ZNF850: variants seen among roughly 807,000 people sequenced by gnomAD.
ZNF850 encodes the protein putative zinc finger protein ENSP00000330994.
In ZNF850, 2 loss-of-function variants were observed where a neutral mutation model predicts 11.9. The ratio of observed to expected loss-of-function variants is 0.17; its 90% CI spans 0.07 to 0.53. The LOEUF (loss-of-function observed/expected upper bound fraction) is 0.53, where lower values mean the gene tolerates loss of function less well. Among genes scored for constraint, ZNF850 ranks in the 20% least tolerant of loss-of-function variants. ZNF850 has a pLI of 0.94. For synonymous variants in ZNF850, 381 were observed against 443.0 expected (o/e 0.86, Z 1.76); for missense variants, 1,014 against 1,316.4 (o/e 0.77, Z 3.55).
chr19:36,751,267 C>A (rs1473354875), intron 4 of ZNF850, among the ~76,000 whole-genome samples: 1 of 145,370 alleles, frequency 6.9e-6, no homozygotes, highest in Non-Finnish European at 1.6e-5. Flanking sequence ...GGCCAGTACT[C>A]TCCAAAACTA....
intron 4 of ZNF850, among the ~76,000 whole-genome samples, chr19:36,759,957 T>A (rs560397450): frequency 4.3e-4 from 65 of 152,336 alleles, no homozygotes; most frequent in Middle Eastern, 6.8e-3. Flanking sequence ...TCACTCCTTT[T>A]CCTTGACACT....
chr19:36,748,376 C>A lies in ZNF850; in HGVS notation c.2664G>T (p.Arg888=), dbSNP rs11672680. The change falls in exon 5 of 5, where the codon CGG becomes CGT. Residue 888 remains arginine (R), a synonymous_variant. Transcript: ENST00000591344. The part of the protein sequence containing the change: ...FAFRSAIIQH[R]RIHTGEKPYD... ...AGGGTTTCTCACCAGTGTGAATTCG[C>A]CGATGTTGGATTATTGCTGAGCGAA... The A allele has an allele frequency of 0.25, 401,126 of 1,585,874 alleles. 52,065 individuals carry two copies. The highest frequency in any genetic ancestry group is 0.34 in the South Asian group (29,931 of 88,096).
At chr19:36,769,276 A>AGAAAG (rs1555812484) in intron 1 of ZNF850, among the ~76,000 whole-genome samples, 1 of 113,182 alleles carries the variant, frequency 8.8e-6, no homozygotes. Context: ...AAAAAAAAAA[A>AGAAAG]AAAGAAAGAA....
chr19:36,764,662 A>C (rs1026069875), intron 1 of ZNF850, among the ~76,000 whole-genome samples: 4 of 150,548 alleles, frequency 2.7e-5, no homozygotes, highest in African/African-American at 9.8e-5. Context: ...ATTTTTGTGC[A>C]TGTGTGTTGT....
At position 36,761,643 on chromosome 19, in the gene ZNF850, C is replaced by T. The variant is rs770102680; in HGVS notation, c.235G>A (p.Asp79Asn). 3.3e-6 allele frequency: 5 copies of T among 1,537,818 alleles called. No individual in the cohort carries two copies. The highest frequency in any genetic ancestry group is 4.4e-6 in the Non-Finnish European group (5 of 1,144,564). ...SRDVLGGWCR[D>N]SEFRCKTKDS... ...CCCCATGTGCTCAGTCCTTACTCAC[C>T]TCGGCACCATCCTCCCAGCACGTCC... Residue 79 changes from aspartate to asparagine, a missense_variant and splice_region_variant, in exon 4 of 5, where the codon GAC (aspartate) becomes AAC (asparagine). Transcript: ENST00000591344.
chr19:36,759,276 C>T (rs2040504727), intron 4 of ZNF850, among the ~76,000 whole-genome samples: 1 of 152,072 alleles, frequency 6.6e-6, no homozygotes, highest in South Asian at 2.1e-4. Flanking sequence ...GAGTTCCAGA[C>T]CAGCCCGTGG....
In ZNF850 at chr19:36,745,032, T is replaced by G. The variant is rs985246268; in HGVS notation, c.*2735A>C. On this transcript the variant is annotated 3_prime_UTR_variant, in exon 5 of 5. Coordinates refer to ENST00000591344, the MANE Select transcript of ZNF850 (RefSeq NM_001193552.2). Reference sequence around the variant, plus strand: ...TACTAGGGAGGCTGAGGCAGGAGAATGGCGTGAACCTGGGAGGTGGAGCTT... The same window carrying G: ...TACTAGGGAGGCTGAGGCAGGAGAAGGGCGTGAACCTGGGAGGTGGAGCTT... The G allele has an allele frequency of 1.3e-5, 2 of 152,062 alleles. No individual in the cohort carries two copies. The highest frequency in any genetic ancestry group is 4.8e-5 in the African/African-American group (2 of 41,368). The allele number at this position is 152,062 out of a possible 1,614,324, so 9.4% of individuals were successfully genotyped here. A position where few individuals can be genotyped will look rare whatever the true frequency, so the allele number is the denominator to read the frequency against.
chr19:36,751,606 G>T (rs2040454509), intron 4 of ZNF850, among the ~76,000 whole-genome samples: 1 of 144,710 alleles, frequency 6.9e-6, no homozygotes, highest in Admixed American at 7.2e-5. Context: ...GCTGAGACAG[G>T]AGAATCACTT....
rs531554043 is a variant in ZNF850 at position 36,750,227 on chromosome 19, A to G, written c.813T>C (p.His271=). The G allele has an allele frequency of 1.3e-6, 2 of 1,538,514 alleles. No individual in the cohort carries two copies. Among genetic ancestry groups the G allele is most frequent in the Admixed American group, 3.9e-5 (2 of 50,980 alleles). Residue 271 remains histidine (H), a synonymous_variant, in exon 5 of 5, where the codon CAT becomes CAC. Transcript: ENST00000591344. ...AFRPSAHLIQ[H]WRIHTGDKPY... ...GTTTGTCACCAGTATGAATTCTCCA[A>G]TGTTGAATAAGATGTGCAGACGGTC... is the stretch of plus-strand genomic sequence containing the variant.
chr19:36,766,649 G>A (rs2040551047), intron 1 of ZNF850, among the ~76,000 whole-genome samples: 1 of 152,066 alleles, frequency 6.6e-6, no homozygotes, highest in Non-Finnish European at 1.5e-5. Context: ...TAAGGAAGGG[G>A]GCTGTATAGA....
chr19:36,754,351 C>G (rs1429870918), intron 4 of ZNF850, among the ~76,000 whole-genome samples: 2 of 151,824 alleles, frequency 1.3e-5, no homozygotes, highest in Non-Finnish European at 2.9e-5. Context: ...AAGCTAGGGT[C>G]TTAGCACTGG....
At chr19:36,754,149 C>G (rs1209713835) in intron 4 of ZNF850, among the ~76,000 whole-genome samples, 1 of 124,472 alleles carries the variant, frequency 8.0e-6, no homozygotes, top group African/African-American at 3.1e-5. Context: ...GCCCGGGCAA[C>G]AGAGAGAGAG....
chr19:36,756,879 G>A (rs1296407772), intron 4 of ZNF850, among the ~76,000 whole-genome samples: 1 of 152,230 alleles, frequency 6.6e-6, no homozygotes, highest in Non-Finnish European at 1.5e-5. Context: ...CTCCCAAGGT[G>A]CTGGGATTAC....
rs567709722 is a variant in ZNF850, at chr19:36,770,703, C to CAAAAAAAAAA, written c.-70+2012_-70+2021dup. On this transcript the variant is annotated intron_variant, in intron 1 of 4. Coordinates refer to ENST00000591344, the MANE Select transcript of ZNF850 (RefSeq NM_001193552.2). ...TCTGGGCGACAGAGAGAGACTCCAT[C>CAAAAAAAAAA]AAAAAAAAAAAAAAAAAAAAAAAAA... 1.9e-3 allele frequency among the ~76,000 whole-genome samples: 128 copies of CAAAAAAAAAA among 66,586 alleles called. 15 individuals are homozygous for CAAAAAAAAAA. Among genetic ancestry groups the CAAAAAAAAAA allele is most frequent in the Non-Finnish European group, 3.2e-3 (102 of 31,912 alleles). The allele number at this position is 66,586 out of a possible 152,430, so 43.7% of individuals were successfully genotyped here. A position where few individuals can be genotyped will look rare whatever the true frequency, so the allele number is the denominator to read the frequency against.
At chr19:36,755,271 G>A (rs888723213) in intron 4 of ZNF850, among the ~76,000 whole-genome samples, 6 of 151,986 alleles carry the variant, frequency 3.9e-5, no homozygotes, top group Non-Finnish European at 4.4e-5. Flanking sequence ...TCTGTCACCC[G>A]TGCCGGAATG....
intron 1 of ZNF850, among the ~76,000 whole-genome samples, chr19:36,771,219 G>T (rs1290002233): frequency 2.0e-5 from 3 of 152,202 alleles, no homozygotes; most frequent in African/African-American, 7.2e-5. Context: ...GCTCTCCCCA[G>T]CGGAGGGACC....
Position 36,749,566 on chromosome 19 carries a change from G to A in ZNF850, c.1474C>T (p.Arg492Cys), listed in dbSNP as rs761870057. ...CGKSFTFRST[R>C]NRHQRIHTGE... ...GTGTGGATTCGCTGGTGTCGATTGCGTGTTGAGCGAAAAGTAAAAGATTTT... is the reference window on the plus strand; with the variant it reads ...GTGTGGATTCGCTGGTGTCGATTGCATGTTGAGCGAAAAGTAAAAGATTTT... Residue 492 changes from arginine to cysteine, a missense_variant, in exon 5 of 5, where the codon CGC becomes TGC. Physicochemically the swap from Arg to Cys is radical, Grantham distance 180. Coordinates refer to ENST00000591344, the MANE Select transcript of ZNF850 (RefSeq NM_001193552.2). The A allele has an allele frequency of 2.5e-5, 38 of 1,545,536 alleles. No individual in the cohort carries two copies. The highest frequency in any genetic ancestry group is 3.0e-5 in the Non-Finnish European group (35 of 1,150,778).
chr19:36,754,222 A>G (rs373949624), intron 4 of ZNF850, among the ~76,000 whole-genome samples: 1 of 152,014 alleles, frequency 6.6e-6, no homozygotes, highest in East Asian at 1.9e-4. Context: ...AAGGAATGTA[A>G]ACAAAGAAAA....
At chr19:36,762,462 A>G (rs907902528) in intron 2 of ZNF850, 31 bp from the exon 3 acceptor site, 3 of 1,532,272 alleles carry the variant, frequency 2.0e-6, no homozygotes, top group Non-Finnish European at 2.6e-6. Flanking sequence ...AGCGCTGTTG[A>G]AATTAAAGGA....
Sources: allele counts gnomAD v4.1 joint callset (sites outside exome capture counted in the v4.1 genomes callset), GRCh38; gene constraint gnomAD v4.1.1; transcripts MANE v1.5; gene names NCBI Gene and HGNC (gene_info 2026-07-23, HGNC 2026-07-21).